Variants in FST observed in about 807,000 individuals in gnomAD.
FST encodes activin-binding protein.
A neutral mutation model predicts 38.4 loss-of-function variants in FST; 6 were observed. The ratio of observed to expected loss-of-function variants is 0.16; its 90% confidence interval spans 0.09 to 0.31. FST has a LOEUF of 0.31. Ranked by LOEUF, FST falls within the 10% of genes least tolerant of loss-of-function variation. FST has a pLI of 1.00. For synonymous variants in FST, 157 were observed against 169.8 expected, an observed-to-expected ratio of 0.92 and a Z score of 0.59; for missense variants, 301 against 432.3, an observed-to-expected ratio of 0.70 and a Z score of 2.69.
Position 53,485,964 on chromosome 5 carries a change from C to T in FST, c.966C>T (p.Asp322=). The T allele has an allele frequency of 6.2e-7, 1 of 1,604,850 alleles. No homozygotes were observed. Among genetic ancestry groups the T allele is most frequent in the African/African-American group, 1.4e-5 (1 of 73,438 alleles). The change falls in exon 6 of 6, where the codon GAC becomes GAT. Residue 322 remains aspartate (D), a synonymous_variant. Transcript: ENST00000256759. ...TCCCCCATCTAGCCATTTCGGAAGA[C>T]ACCGAGGAAGAGGAGGAAGATGAAG... ...HSGSCNSISE[D]TEEEEEDEDQ... is the part of the protein sequence containing the mutation.
At chr5:53,485,348 C>T in intron 5 of FST, 121 bp downstream of exon 5, 1 of 646,788 alleles carries the variant, frequency 1.5e-6, no homozygotes, top group Non-Finnish European at 2.8e-6. Flanking sequence ...TAGGTAGCTG[C>T]TAAGTATCAC....
rs1747572877 is a variant in FST at position 53,486,792 on chromosome 5, TG to T, written c.*760del. Reference sequence around the variant, plus strand: ...AGATGTTACAGATACAAAGAAATGATGTGGGTGTCAGGAGACTAAAGGATGT... The same window carrying T: ...AGATGTTACAGATACAAAGAAATGATTGGGTGTCAGGAGACTAAAGGATGT... On this transcript the variant is annotated 3_prime_UTR_variant, in exon 6 of 6. Coordinates refer to ENST00000256759, the MANE Select transcript of FST (RefSeq NM_013409.3). 6.6e-6 allele frequency: 1 copy of T among 152,224 alleles called. No homozygotes were observed. The highest frequency in any genetic ancestry group is 1.5e-5 in the Non-Finnish European group (1 of 68,034). 9.4% of individuals were successfully genotyped at this position (152,224 alleles called of 1,614,324 possible).
chr5:53,483,599 A>C lies in FST; in HGVS notation c.373A>C (p.Ile125Leu), dbSNP rs371405325. 2 of 1,614,108 alleles carry C rather than the reference A, an allele frequency of 1.2e-6. No homozygotes were observed. Among genetic ancestry groups the C allele is most frequent in the Non-Finnish European group, 1.7e-6 (2 of 1,179,926 alleles). Residue 125 changes from isoleucine to leucine, a missense_variant, in exon 3 of 6, where the codon ATC becomes CTC. Coordinates refer to ENST00000256759, the MANE Select transcript of FST (RefSeq NM_013409.3). This position sits in a 1 kb window ranked among gnomAD's most constrained non-coding sequence, Gnocchi z 4.1. ...RCVCAPDCSN[I>L]TWKGPVCGLD... is the part of the protein sequence containing the mutation. ...CGTCTGCGCCCCGGATTGTTCCAAC[A>C]TCACCTGGAAGGGTCCAGTCTGCGG... is the stretch of plus-strand genomic sequence containing the variant.
rs1381581379 is a variant in FST at position 53,484,056 on chromosome 5, T to C, written c.497-13T>C. On this transcript the variant is annotated splice_polypyrimidine_tract_variant and intron_variant, in intron 3 of 5. Coordinates refer to ENST00000256759, the MANE Select transcript of FST (RefSeq NM_013409.3). ...AAGGTACCTATTCATGTGTGTTTCC[T>C]TCTTTGTTCCAGAGACTTGTCGGGA... is the stretch of plus-strand genomic sequence containing the variant. The C allele has an allele frequency of 6.2e-7, 1 of 1,611,418 alleles. No homozygotes were observed. The highest frequency in any genetic ancestry group is 8.5e-7 in the Non-Finnish European group (1 of 1,177,698).
Position 53,482,949 on chromosome 5 carries a change from A to G in FST, c.155A>G (p.Lys52Arg). The G allele has an allele frequency of 6.2e-7, 1 of 1,613,224 alleles. No homozygotes were observed. Among genetic ancestry groups the G allele is most frequent in the Non-Finnish European group, 8.5e-7 (1 of 1,179,132 alleles). ...GTCCTGTACAAGACCGAACTGAGCA[A>G]GGAGGAGTGCTGCAGCACCGGCCGG... ...CQVLYKTELS[K>R]EECCSTGRLS... The change falls in exon 2 of 6, where the codon AAG (lysine) becomes AGG (arginine). Residue 52 changes from lysine to arginine, a missense_variant. Transcript: ENST00000256759.
At chr5:53,484,531 A>C (rs1239241007) in intron 4 of FST, among the ~76,000 whole-genome samples, 1 of 152,234 alleles carries the variant, frequency 6.6e-6, no homozygotes, top group African/African-American at 2.4e-5. Flanking sequence ...TCCGTCTTAG[A>C]AAACTTAGAA....
At chr5:53,481,068 C>T (rs1747172968) in intron 1 of FST, among the ~76,000 whole-genome samples, 192 bp downstream of exon 1, 1 of 151,904 alleles carries the variant, frequency 6.6e-6, no homozygotes, top group African/African-American at 2.4e-5. Flanking sequence ...GAGTTTGGAG[C>T]TCGGTTATCT....
At chr5:53,482,806 A>C in intron 1 of FST, 74 bp from the exon 2 acceptor site, 1 of 839,698 alleles carries the variant, frequency 1.2e-6, no homozygotes, top group Non-Finnish European at 1.9e-6. Flanking sequence ...CTCCTTCGCT[A>C]GCCACCTCGC....
intron 1 of FST, 115 bp from the exon 2 acceptor site, chr5:53,482,765 C>T: frequency 1.6e-6 from 1 of 610,220 alleles, no homozygotes. Flanking sequence ...TCCCCTCCTC[C>T]ACGCTCACCC....
Position 53,486,183 on chromosome 5 carries a change from T to C in FST, c.*150T>C. The C allele has an allele frequency of 2.0e-6, 1 of 506,574 alleles. No homozygotes were observed. The highest frequency in any genetic ancestry group is 3.4e-6 in the Non-Finnish European group (1 of 294,242). The allele number at this position is 506,574 out of a possible 1,614,324, so 31.4% of individuals were successfully genotyped here. A position where few individuals can be genotyped will look rare whatever the true frequency, so the allele number is the denominator to read the frequency against. On this transcript the variant is annotated 3_prime_UTR_variant, in exon 6 of 6. Coordinates refer to ENST00000256759, the MANE Select transcript of FST (RefSeq NM_013409.3). ...GGGAAAACTATACATTAAAGGACCTTTGTCCTAAAGCTCTCTCCCAGGCCA... is the reference window on the plus strand; with the variant it reads ...GGGAAAACTATACATTAAAGGACCTCTGTCCTAAAGCTCTCTCCCAGGCCA...
In FST at chr5:53,486,722, A is replaced by T. The variant is rs1747569142; in HGVS notation, c.*689A>T. On this transcript the variant is annotated 3_prime_UTR_variant, in exon 6 of 6. Transcript: ENST00000256759. ...TCAGTTCTTTTGTTATGATGAAGACATTTGTGAGAGAGGAGATGATTAGAA... is the reference window on the plus strand; with the variant it reads ...TCAGTTCTTTTGTTATGATGAAGACTTTTGTGAGAGAGGAGATGATTAGAA... 1 of 152,236 alleles carries T rather than the reference A, an allele frequency of 6.6e-6. No individual in the cohort carries two copies. The highest frequency in any genetic ancestry group is 6.5e-5 in the Admixed American group (1 of 15,280). 9.4% of individuals were successfully genotyped at this position (152,236 alleles called of 1,614,324 possible).
In FST at chr5:53,480,799, G is replaced by A. The variant is rs1396428928; in HGVS notation, c.8G>A (p.Arg3His). 3 of 1,503,702 alleles carry A rather than the reference G, an allele frequency of 2.0e-6. No individual in the cohort carries two copies. Among genetic ancestry groups the A allele is most frequent in the Admixed American group, 2.1e-5 (1 of 47,154 alleles). 93.1% of individuals were successfully genotyped at this position (1,503,702 alleles called of 1,614,324 possible). The change falls in exon 1 of 6, where the codon CGC (arginine) becomes CAC (histidine). Residue 3 changes from arginine to histidine, a missense_variant. Physicochemically the swap from Arg to His is conservative, Grantham distance 29 (BLOSUM62 0). Coordinates refer to ENST00000256759, the MANE Select transcript of FST (RefSeq NM_013409.3). The part of the protein sequence containing the change: MV[R>H]ARHQPGGLCL... ...CCCGCGCCTGCCCCCAGGATGGTCC[G>A]CGCGAGGCACCAGCCGGGTGGGCTT... is the stretch of plus-strand genomic sequence containing the variant.
chr5:53,485,507 G>C (rs916687908), intron 5 of FST, among the ~76,000 whole-genome samples: 2 of 149,186 alleles, frequency 1.3e-5, no homozygotes, highest in African/African-American at 4.9e-5. Flanking sequence ...TTTGCTGTTT[G>C]CTTTATTAAC....
Position 53,483,770 on chromosome 5 carries a change from C to T in FST, c.496+48C>T. On this transcript the variant is annotated intron_variant, in intron 3 of 5. Transcript: ENST00000256759. This position sits in a 1 kb window ranked among gnomAD's most constrained non-coding sequence, Gnocchi z 4.1. ...AGACTGGATCTGTCCCCTCCTCCAG[C>T]TTTGTACCTAAAGTAGACCCTCTAG... 1 of 1,391,212 alleles carries T rather than the reference C, an allele frequency of 7.2e-7. No homozygotes were observed. The highest frequency in any genetic ancestry group is 1.0e-6 in the Non-Finnish European group (1 of 982,326). 86.2% of individuals were successfully genotyped at this position (1,391,212 alleles called of 1,614,324 possible).
chr5:53,484,343 T>C lies in FST; in HGVS notation c.721+50T>C, dbSNP rs748828575. On this transcript the variant is annotated intron_variant, in intron 4 of 5. Coordinates refer to ENST00000256759, the MANE Select transcript of FST (RefSeq NM_013409.3). The stretch of plus-strand genomic sequence containing the variant: ...AAAAAGAGAAAACAGGCTAGTTCTA[T>C]TATTAAACTGTGGGGTTAACTAATA... 4 of 1,571,028 alleles carry C rather than the reference T, an allele frequency of 2.5e-6. No individual in the cohort carries two copies. In the South Asian group the frequency reaches 3.5e-5, roughly 14 times the overall value.
At chr5:53,481,934 A>C (rs1747239327) in intron 1 of FST, among the ~76,000 whole-genome samples, 2 of 152,228 alleles carry the variant, frequency 1.3e-5, no homozygotes, top group South Asian at 4.1e-4. Flanking sequence ...GTATGTTGTA[A>C]ACTGCCCTCC....
intron 1 of FST, among the ~76,000 whole-genome samples, chr5:53,481,261 T>C (rs528948366): frequency 9.3e-5 from 14 of 150,908 alleles, no homozygotes; most frequent in African/African-American, 3.4e-4. Context: ...TCCCACATCT[T>C]TTGGATACTT....
chr5:53,485,902 T>C (rs1259072649), intron 5 of FST, 49 bp from the exon 6 acceptor site: 3 of 1,604,544 alleles, frequency 1.9e-6, no homozygotes, highest in East Asian at 2.2e-5. Context: ...GCTTCTGCGC[T>C]GTTGTTGTCC....
rs1191945613 is a variant in FST, at chr5:53,483,117, C to CT, written c.277+48dup. 1 of 1,343,360 alleles carries CT rather than the reference C, an allele frequency of 7.4e-7. No homozygotes were observed. Among genetic ancestry groups the CT allele is most frequent in the South Asian group, 1.3e-5 (1 of 79,804 alleles). 83.2% of individuals were successfully genotyped at this position (1,343,360 alleles called of 1,614,324 possible). ...CTTGCAGGCCCTCAGTAGAGGGCGT[C>CT]TTACCCTTAGCTTCCCCACTACCTG... On this transcript the variant is annotated intron_variant, in intron 2 of 5. Coordinates refer to ENST00000256759, the MANE Select transcript of FST (RefSeq NM_013409.3). This position sits in a 1 kb window ranked among gnomAD's most constrained non-coding sequence, Gnocchi z 4.1.
Sources: allele counts gnomAD v4.1 joint callset (sites outside exome capture counted in the v4.1 genomes callset), GRCh38; gene constraint gnomAD v4.1.1; non-coding constraint Gnocchi (gnomAD v3.1); transcripts MANE v1.5; gene names NCBI Gene and HGNC (gene_info 2026-07-23, HGNC 2026-07-21).